Variants in PHLPP1 observed in about 807,000 individuals in gnomAD.
PHLPP1 encodes PH domain leucine-rich repeat-containing protein phosphatase 1.
Under a neutral mutation model 117.2 loss-of-function variants are expected in PHLPP1, and 42 were observed. That is an observed-to-expected ratio of 0.36 (90% CI 0.28 to 0.46). PHLPP1 has a LOEUF of 0.46. Ranked by LOEUF, PHLPP1 falls within the 20% of genes least tolerant of loss-of-function variation. The pLI is 1.00. For missense variants in PHLPP1, 2,084 were observed against 2,241.9 expected, an observed-to-expected ratio of 0.93 and a Z score of 1.42; for synonymous variants, 1,042 against 970.7, an observed-to-expected ratio of 1.07 and a Z score of -1.37.
intron 1 of PHLPP1, among the ~76,000 whole-genome samples, 181 bp downstream of exon 1, chr18:62,717,440 C>G (rs1275484594): frequency 3.9e-5 from 6 of 152,132 alleles, no homozygotes; most frequent in Non-Finnish European, 8.8e-5. Flanking sequence ...ATCTTTAAAT[C>G]TGCACGTTTT....
chr18:62,721,518 T>C (rs144491290), intron 1 of PHLPP1, among the ~76,000 whole-genome samples: 1 of 152,156 alleles, frequency 6.6e-6, no homozygotes, highest in African/African-American at 2.4e-5. Flanking sequence ...ATATTTCTCA[T>C]TAAATATCTT....
At chr18:62,886,024 A>G (rs1418070930) in intron 4 of PHLPP1, among the ~76,000 whole-genome samples, 1 of 152,200 alleles carries the variant, frequency 6.6e-6, no homozygotes, top group Non-Finnish European at 1.5e-5. Flanking sequence ...AGCTGGAGAA[A>G]GGAAGGAAAA....
chr18:62,750,244 CA>C (rs1177153333), intron 1 of PHLPP1, among the ~76,000 whole-genome samples: 5 of 152,070 alleles, frequency 3.3e-5, no homozygotes, highest in African/African-American at 1.2e-4. Context: ...TTTCTTTTGG[CA>C]AAGGGTGTTG....
At chr18:62,866,181 T>C (rs947600407) in intron 4 of PHLPP1, among the ~76,000 whole-genome samples, 2 of 152,152 alleles carry the variant, frequency 1.3e-5, no homozygotes, top group Non-Finnish European at 2.9e-5. Flanking sequence ...GTTTCAACTA[T>C]ATCTGTAACG....
At position 62,792,965 on chromosome 18, in the gene PHLPP1, G is replaced by C. The variant is rs903284451; in HGVS notation, c.1577-37070G>C. On this transcript the variant is annotated intron_variant, in intron 1 of 16. Coordinates refer to ENST00000262719, the MANE Select transcript of PHLPP1 (RefSeq NM_194449.4). ...TGAGGTGGGTGGATCACCTGAGGTTGGGAGTTCGAGACCAGCCTGGCCAAC... is the reference window on the plus strand; with the variant it reads ...TGAGGTGGGTGGATCACCTGAGGTTCGGAGTTCGAGACCAGCCTGGCCAAC... Among the ~76,000 whole-genome samples the C allele has an allele frequency of 2.0e-5, 3 of 151,194 alleles. No homozygotes were observed. In the East Asian group the frequency reaches 5.8e-4, roughly 29 times the overall value.
intron 8 of PHLPP1, among the ~76,000 whole-genome samples, chr18:62,913,324 A>T (rs116662429): frequency 0.015 from 2,303 of 152,278 alleles, 57 homozygotes; most frequent in African/African-American, 0.052. Context: ...GAGCATGTCA[A>T]TGTTTAGGGC....
intron 6 of PHLPP1, among the ~76,000 whole-genome samples, chr18:62,900,131 T>A (rs980065951): frequency 6.6e-6 from 1 of 152,008 alleles, no homozygotes; most frequent in Non-Finnish European, 1.5e-5. Context: ...ACCCCGCCTC[T>A]ACTAAAAATG....
intron 1 of PHLPP1, among the ~76,000 whole-genome samples, chr18:62,804,837 A>G (rs1913892350): frequency 6.7e-6 from 1 of 148,892 alleles, no homozygotes; most frequent in Admixed American, 6.8e-5. Flanking sequence ...TATTATACAT[A>G]TACAGTATAA....
At chr18:62,901,860 C>T (rs1016939932) in intron 6 of PHLPP1, among the ~76,000 whole-genome samples, 1 of 151,900 alleles carries the variant, frequency 6.6e-6, no homozygotes, top group African/African-American at 2.4e-5. Flanking sequence ...GAACTCCTGA[C>T]CTCGTGAAAC....
intron 1 of PHLPP1, among the ~76,000 whole-genome samples, chr18:62,813,786 G>A (rs994177926): frequency 2.6e-5 from 4 of 152,050 alleles, no homozygotes; most frequent in Non-Finnish European, 4.4e-5. Flanking sequence ...GAAGCCTTTC[G>A]TTCTAACTTG....
intron 12 of PHLPP1, among the ~76,000 whole-genome samples, chr18:62,953,767 C>T (rs1910532989): frequency 6.6e-6 from 1 of 152,160 alleles, no homozygotes; most frequent in African/African-American, 2.4e-5. Context: ...CTTGCAAGGG[C>T]AAGGAAATCC....
chr18:62,776,288 A>G (rs911521370), intron 1 of PHLPP1, among the ~76,000 whole-genome samples: 11 of 152,336 alleles, frequency 7.2e-5, no homozygotes, highest in South Asian at 2.1e-4. Context: ...CAGGCTGGAA[A>G]TGTAGACAGG....
At chr18:62,793,029 G>A (rs1021476065) in intron 1 of PHLPP1, among the ~76,000 whole-genome samples, 3 of 151,990 alleles carry the variant, frequency 2.0e-5, no homozygotes, top group Non-Finnish European at 4.4e-5. Context: ...ACAAAAATTA[G>A]CTGGGCATGG....
At chr18:62,743,434 A>G (rs1446886699) in intron 1 of PHLPP1, among the ~76,000 whole-genome samples, 1 of 152,046 alleles carries the variant, frequency 6.6e-6, no homozygotes, top group Non-Finnish European at 1.5e-5. Context: ...CTTTATCTCG[A>G]ATCACCTTCC....
At chr18:62,887,113 C>T (rs544354786) in intron 4 of PHLPP1, among the ~76,000 whole-genome samples, 1 of 152,164 alleles carries the variant, frequency 6.6e-6, no homozygotes, top group African/African-American at 2.4e-5. Context: ...TTCCTGAGGC[C>T]ATTCTTTGAC....
chr18:62,946,653 G>A (rs931568935), intron 12 of PHLPP1, among the ~76,000 whole-genome samples: 1 of 152,192 alleles, frequency 6.6e-6, no homozygotes, highest in African/African-American at 2.4e-5. Flanking sequence ...GTGTGTGTGT[G>A]TGCGCACGCA....
At chr18:62,958,359 C>A (rs187421720) in intron 12 of PHLPP1, among the ~76,000 whole-genome samples, 1 of 151,954 alleles carries the variant, frequency 6.6e-6, no homozygotes, top group Admixed American at 6.5e-5. Context: ...TAATTTTAAA[C>A]GTGGAGATAA....
intron 1 of PHLPP1, among the ~76,000 whole-genome samples, chr18:62,735,922 C>T (rs1013130831): frequency 6.6e-6 from 1 of 151,222 alleles, no homozygotes; most frequent in Non-Finnish European, 1.5e-5. Flanking sequence ...ACATTGTGCA[C>T]ATGTACCCTA....
intron 10 of PHLPP1, among the ~76,000 whole-genome samples, chr18:62,929,805 C>T (rs1422448361): frequency 2.0e-5 from 3 of 152,076 alleles, no homozygotes; most frequent in African/African-American, 4.8e-5. Context: ...TAAAATTAGC[C>T]AGGCATGGTT....
Sources: allele counts gnomAD v4.1 joint callset (sites outside exome capture counted in the v4.1 genomes callset), GRCh38; gene constraint gnomAD v4.1.1; transcripts MANE v1.5; gene names NCBI Gene and HGNC (gene_info 2026-07-23, HGNC 2026-07-21).